Variants in GSE1 observed in about 807,000 individuals in gnomAD.
GSE1 encodes genetic suppressor element 1.
A neutral mutation model predicts 112.6 loss-of-function variants in GSE1; 32 were observed. The observed-to-expected ratio is 0.28, with a 90% CI of 0.21 to 0.38. The LOEUF (loss-of-function observed/expected upper bound fraction) is 0.38. GSE1 is among the 10% of genes least tolerant of loss of function. The probability of loss-of-function intolerance (pLI) is 1.00; values close to 1 mark genes in which losing one functional copy is unlikely to be tolerated. For missense variants in GSE1, 2,348 were observed against 1,699.2 expected (o/e 1.38, Z -6.71); for synonymous variants, 1,115 against 735.6 (o/e 1.52, Z -8.35).
chr16:85,197,815 G>A (rs1298499641), intron 1 of GSE1, among the ~76,000 whole-genome samples: 4 of 152,196 alleles, frequency 2.6e-5, no homozygotes, highest in African/African-American at 4.8e-5. Context: ...CTGAGAATCC[G>A]AGGCCTGGAG....
At chr16:85,204,151 A>G (rs772362592) in intron 1 of GSE1, among the ~76,000 whole-genome samples, 5 of 152,212 alleles carry the variant, frequency 3.3e-5, no homozygotes, top group African/African-American at 9.6e-5. Flanking sequence ...CTCAGTCTCC[A>G]GCGATTGTGA....
intron 2 of GSE1, among the ~76,000 whole-genome samples, chr16:85,371,302 C>T (rs535320862): frequency 2.0e-5 from 3 of 152,324 alleles, no homozygotes; most frequent in Admixed American, 1.3e-4. Flanking sequence ...GATGGCCCCA[C>T]GCAGCGCCAT....
chr16:85,410,349 T>C (rs377124194), intron 2 of GSE1, among the ~76,000 whole-genome samples: 9 of 54,846 alleles, frequency 1.6e-4, no homozygotes, highest in African/African-American at 4.2e-4. Context: ...TAATCCTCAC[T>C]GTTACACTCA....
intron 2 of GSE1, among the ~76,000 whole-genome samples, chr16:85,501,981 C>T (rs1285107284): frequency 1.3e-5 from 2 of 152,236 alleles, no homozygotes; most frequent in Non-Finnish European, 2.9e-5. Flanking sequence ...GGCTGCTCTC[C>T]TCACAGGAGG....
chr16:85,421,576 C>T (rs60629053), intron 2 of GSE1, among the ~76,000 whole-genome samples: 3 of 152,232 alleles, frequency 2.0e-5, no homozygotes, highest in East Asian at 3.9e-4. Context: ...TCTGACCAGG[C>T]GGGGAGGAGA....
intron 2 of GSE1, among the ~76,000 whole-genome samples, chr16:85,378,397 G>A (rs762349234): frequency 3.3e-5 from 5 of 152,112 alleles, no homozygotes; most frequent in East Asian, 1.9e-4. Context: ...CCCAGCCTGC[G>A]CCTGGCAGTG....
At chr16:85,469,798 C>G (rs56311930) in intron 2 of GSE1, among the ~76,000 whole-genome samples, 7,655 of 152,290 alleles carry the variant, frequency 0.05, 270 homozygotes, top group Admixed American at 0.08. Flanking sequence ...TTGCAAAAAT[C>G]CAGCCTTTTC....
chr16:85,582,750 C>T (rs913795075), intron 1 of GSE1, among the ~76,000 whole-genome samples: 5 of 152,166 alleles, frequency 3.3e-5, no homozygotes, highest in Non-Finnish European at 5.9e-5. Context: ...AACCCCCCCT[C>T]GCCTCTTAAT....
intron 4 of GSE1, 109 bp downstream of exon 4, chr16:85,654,559 A>C: frequency 1.0e-6 from 1 of 1,001,462 alleles, no homozygotes. Flanking sequence ...TGTGCCTGCT[A>C]GATGGTTGTC....
intron 1 of GSE1, among the ~76,000 whole-genome samples, chr16:85,188,486 C>T (rs2074755403): frequency 6.6e-6 from 1 of 152,024 alleles, no homozygotes; most frequent in Non-Finnish European, 1.5e-5. Flanking sequence ...CCAGGTGAAT[C>T]AGGAGGGCTA....
intron 2 of GSE1, among the ~76,000 whole-genome samples, chr16:85,414,838 G>A (rs1281442371): frequency 7.9e-5 from 12 of 152,188 alleles, no homozygotes; most frequent in Admixed American, 7.2e-4. Flanking sequence ...GTTTCACCAT[G>A]TTGGCAAGGC....
intron 15 of GSE1, 53 bp downstream of exon 15, chr16:85,671,151 T>A: frequency 9.7e-7 from 1 of 1,028,350 alleles, no homozygotes; most frequent in South Asian, 1.3e-5. Context: ...TGAGTTTGGG[T>A]TCAGAAACAC....
intron 2 of GSE1, among the ~76,000 whole-genome samples, chr16:85,645,287 G>A (rs372288602): frequency 1.3e-5 from 2 of 152,128 alleles, no homozygotes; most frequent in Non-Finnish European, 2.9e-5. Context: ...GCGTGATGAG[G>A]TGGGGGCCTT....
At chr16:85,344,701 A>T (rs1267310522) in intron 1 of GSE1, among the ~76,000 whole-genome samples, 2 of 152,234 alleles carry the variant, frequency 1.3e-5, no homozygotes, top group African/African-American at 4.8e-5. Flanking sequence ...CCAGAGAGGT[A>T]GAGCCACTTG....
At chr16:85,448,079 C>T (rs974291559) in intron 2 of GSE1, among the ~76,000 whole-genome samples, 1 of 152,356 alleles carries the variant, frequency 6.6e-6, no homozygotes, top group Admixed American at 6.5e-5. Context: ...CCTCTGCCTC[C>T]TCCCAGTCGT....
intron 1 of GSE1, among the ~76,000 whole-genome samples, chr16:85,234,316 GC>G (rs1198841249): frequency 6.6e-6 from 1 of 152,092 alleles, no homozygotes; most frequent in African/African-American, 2.4e-5. Context: ...TAGCTTTGGG[GC>G]CTCTCTGGGC....
At position 85,595,061 on chromosome 16, in the gene GSE1, T is replaced by C. The variant is rs189132516; in HGVS notation, c.37+38698T>C. ...GTTCCTGTCTCTGTTGAGTTCGGAC[T>C]GGCAGGTTCTCTGGAGCCCACACAG... is the stretch of plus-strand genomic sequence containing the variant. On this transcript the variant is annotated intron_variant, in intron 1 of 2. Transcript: ENST00000635906. 2.2e-3 allele frequency: 339 copies of C among 152,278 alleles called. 2 individuals are homozygous for C. The highest frequency in any genetic ancestry group is 7.6e-3 in the African/African-American group (316 of 41,500). 9.4% of individuals were successfully genotyped at this position (152,278 alleles called of 1,614,324 possible).
At chr16:85,639,480 CT>C (rs1172378092) in intron 2 of GSE1, among the ~76,000 whole-genome samples, 1 of 144,702 alleles carries the variant, frequency 6.9e-6, no homozygotes, top group Non-Finnish European at 1.6e-5. Flanking sequence ...TCTGACTCCC[CT>C]CTAAGCCTCC....
In GSE1 at chr16:85,661,614, C is replaced by G. The variant is rs749162612; in HGVS notation, c.2109C>G (p.Ser703Arg). 1.2e-6 allele frequency: 2 copies of G among 1,610,756 alleles called. No individual in the cohort carries two copies. Among genetic ancestry groups the G allele is most frequent in the Non-Finnish European group, 1.7e-6 (2 of 1,179,242 alleles). Reference protein sequence around the residue: ...LPQAATFGELSGPLKPGSPYR... With the variant: ...LPQAATFGELRGPLKPGSPYR... ...AGGCGGCCACCTTCGGGGAGCTCAGCGGACCCCTGAAGCCTGGCTCGCCCT... is the reference window on the plus strand; with the variant it reads ...AGGCGGCCACCTTCGGGGAGCTCAGGGGACCCCTGAAGCCTGGCTCGCCCT... Residue 703 changes from serine (S) to arginine (R), a missense_variant, in exon 9 of 16, where the codon AGC becomes AGG. Ser to Arg is a moderately radical substitution (Grantham distance 110). Coordinates refer to ENST00000253458, the MANE Select transcript of GSE1 (RefSeq NM_014615.5).
Sources: gnomAD v4.1 joint callset for allele counts (sites outside exome capture counted in the v4.1 genomes callset) on GRCh38, gnomAD v4.1.1 for gene constraint, MANE v1.5 for transcripts, NCBI Gene and HGNC (gene_info 2026-07-23, HGNC 2026-07-21) for gene names.